ZZEF1: variants seen among roughly 807,000 people sequenced by gnomAD.
ZZEF1 encodes the protein zinc finger ZZ-type and EF-hand domain containing 1.
ZZEF1 carries 157 observed loss-of-function variants against 342.8 expected under a neutral mutation model. The ratio of observed to expected loss-of-function variants is 0.46; its 90% confidence interval spans 0.40 to 0.52. ZZEF1 has a LOEUF of 0.52. ZZEF1 is among the 20% of genes least tolerant of loss of function. The probability of loss-of-function intolerance (pLI) is 0.00; values close to 1 mark genes in which losing one functional copy is unlikely to be tolerated. For missense variants in ZZEF1, 3,480 were observed against 3,725.6 expected, an observed-to-expected ratio of 0.93 and a Z score of 1.72; for synonymous variants, 1,505 against 1,429.1, an observed-to-expected ratio of 1.05 and a Z score of -1.20.
intron 38 of ZZEF1, 45 bp from the exon 39 acceptor site, chr17:4,042,613 T>G (rs752389114): frequency 3.8e-6 from 6 of 1,595,004 alleles, no homozygotes; most frequent in Middle Eastern, 1.7e-4. Flanking sequence ...CATCTCCACA[T>G]GTATGAAGAG....
At position 4,064,534 on chromosome 17, in the gene ZZEF1, CTCT is replaced by C; in HGVS notation, c.4542_4544del (p.Glu1515del). 6.2e-7 allele frequency: 1 copy of C among 1,614,174 alleles called. No homozygotes were observed. The highest frequency in any genetic ancestry group is 1.3e-5 in the African/African-American group (1 of 75,040). On this transcript the variant is annotated inframe_deletion, in exon 29 of 55. Coordinates refer to ENST00000381638, the MANE Select transcript of ZZEF1 (RefSeq NM_015113.4). ...GGGTGGGTGTGGAAGGTGACAAGGG[CTCT>C]TCAGCTGTGGCAGGGGACACGTCTG...
chr17:4,038,633 C>A (rs890827125), intron 39 of ZZEF1, among the ~76,000 whole-genome samples: 1 of 151,978 alleles, frequency 6.6e-6, no homozygotes, highest in African/African-American at 2.4e-5. Context: ...GGTGAAACCC[C>A]GGCTCTACTC....
rs769287748 is a variant in ZZEF1 at position 4,062,842 on chromosome 17, A to G, written c.4794T>C (p.Cys1598=). 6.2e-7 allele frequency: 1 copy of G among 1,613,668 alleles called. No individual in the cohort carries two copies. The highest frequency in any genetic ancestry group is 8.5e-7 in the Non-Finnish European group (1 of 1,179,846). The part of the protein sequence containing the change: ...ILEVLKITQH[C]AESLGQPHCF... ...AGTGGGGCTGCCCAAGGGATTCTGC[A>G]CAGTGCTGAGTTATCTTCAGGACTT... The change falls in exon 30 of 55, where the codon TGT becomes TGC. Residue 1598 remains cysteine, a synonymous_variant. Coordinates refer to ENST00000381638, the MANE Select transcript of ZZEF1 (RefSeq NM_015113.4).
At chr17:4,109,361 T>G (rs1284190061) in intron 6 of ZZEF1, among the ~76,000 whole-genome samples, 1 of 152,188 alleles carries the variant, frequency 6.6e-6, no homozygotes, top group Non-Finnish European at 1.5e-5. Flanking sequence ...ATAAGTGACC[T>G]CCTCACAAGA....
intron 39 of ZZEF1, among the ~76,000 whole-genome samples, chr17:4,036,995 G>C (rs1446988641): frequency 6.6e-6 from 1 of 152,062 alleles, no homozygotes; most frequent in African/African-American, 2.4e-5. Flanking sequence ...CTAGGGCTAG[G>C]GGAGGGAGAA....
In ZZEF1 at chr17:4,005,006, T is replaced by A. The variant is rs1267512726; in HGVS notation, c.*1884A>T. The A allele has an allele frequency of 2.6e-5, 4 of 152,290 alleles. No individual in the cohort carries two copies. In the South Asian group the frequency reaches 8.3e-4, roughly 32 times the overall value. 9.4% of individuals were successfully genotyped at this position (152,290 alleles called of 1,614,324 possible). On this transcript the variant is annotated 3_prime_UTR_variant, in exon 55 of 55. Transcript: ENST00000381638. ...TGGAGTACAGCGGCGGCCACTGCCA[T>A]AGGGGAGGTGACTCCGGCCCTACCG...
chr17:4,090,865 T>C (rs1256582387), intron 11 of ZZEF1, 35 bp from the exon 12 acceptor site: 1 of 1,551,908 alleles, frequency 6.4e-7, no homozygotes, highest in Non-Finnish European at 8.9e-7. Context: ...AACATTTTAT[T>C]TTGAAACTTC....
intron 9 of ZZEF1, among the ~76,000 whole-genome samples, chr17:4,101,158 G>T (rs1045419939): frequency 6.6e-6 from 1 of 152,174 alleles, no homozygotes; most frequent in Non-Finnish European, 1.5e-5. Flanking sequence ...AGCATCTACT[G>T]CTGAAGAGGA....
intron 3 of ZZEF1, among the ~76,000 whole-genome samples, chr17:4,115,875 T>C (rs1271158853): frequency 6.6e-6 from 1 of 152,246 alleles, no homozygotes; most frequent in African/African-American, 2.4e-5. Context: ...TATTAATCTT[T>C]TCTTTCATAG....
intron 29 of ZZEF1, among the ~76,000 whole-genome samples, chr17:4,064,063 A>T (rs1473724545): frequency 8.3e-5 from 12 of 144,824 alleles, no homozygotes; most frequent in African/African-American, 2.7e-4. Context: ...TTGTAGATGG[A>T]GGGGGGGGGG....
chr17:4,026,807 A>AAAG (rs2056416525), intron 42 of ZZEF1, among the ~76,000 whole-genome samples: 1 of 152,038 alleles, frequency 6.6e-6, no homozygotes, highest in Non-Finnish European at 1.5e-5. Context: ...GGTGTGAGCC[A>AAAG]CCACACCCAG....
intron 52 of ZZEF1, among the ~76,000 whole-genome samples, chr17:4,010,880 C>T (rs963683972): frequency 6.6e-6 from 1 of 151,788 alleles, no homozygotes; most frequent in African/African-American, 2.4e-5. Context: ...AGCAGTTGAC[C>T]CTATCAGCTT....
Position 4,081,431 on chromosome 17 carries a change from T to C in ZZEF1, c.2774A>G (p.Asn925Ser), listed in dbSNP as rs565392505. The change falls in exon 18 of 55, where the codon AAC becomes AGC. Residue 925 changes from asparagine (N) to serine (S), a missense_variant. By Grantham distance (46) the Asn-to-Ser change is conservative (BLOSUM62 1). Transcript: ENST00000381638. ...CATGACCGCCAGGACTTCACTGATG[T>C]TCATCTTGGCCAGGTCGTTCTTCTC... The part of the protein sequence containing the change: ...LPEKNDLAKM[N>S]ISEVLAVMDT... 5.6e-6 allele frequency: 9 copies of C among 1,614,012 alleles called. No homozygotes were observed. In the African/African-American group the frequency reaches 9.3e-5, roughly 17 times the overall value.
At chr17:4,054,308 T>G in intron 33 of ZZEF1, 113 bp from the exon 34 acceptor site, 1 of 1,193,592 alleles carries the variant, frequency 8.4e-7, no homozygotes, top group Non-Finnish European at 1.2e-6. Context: ...TTGTACTAAG[T>G]GCTAGGATTT....
intron 43 of ZZEF1, among the ~76,000 whole-genome samples, chr17:4,024,186 G>GTTTTTTTTTT (rs754985234): frequency 0.014 from 1,311 of 94,326 alleles, 202 homozygotes; most frequent in African/African-American, 0.022. Context: ...TATTGCCCAG[G>GTTTTTTTTTT]TTTTTTTTTT....
intron 4 of ZZEF1, 114 bp from the exon 5 acceptor site, chr17:4,112,922 C>T (rs1292855507): frequency 1.2e-6 from 1 of 848,950 alleles, no homozygotes; most frequent in South Asian, 2.2e-5. Flanking sequence ...ACTGGTTTTC[C>T]TAACAGCAAC....
At chr17:4,073,769 T>C (rs914318175) in intron 24 of ZZEF1, among the ~76,000 whole-genome samples, 8 of 152,114 alleles carry the variant, frequency 5.3e-5, no homozygotes, top group Non-Finnish European at 1.2e-4. Context: ...ACAAAATCCA[T>C]AGTCACATAT....
intron 6 of ZZEF1, among the ~76,000 whole-genome samples, chr17:4,109,346 A>G (rs1055966097): frequency 1.3e-5 from 2 of 152,252 alleles, no homozygotes; most frequent in African/African-American, 4.8e-5. Flanking sequence ...AGGAACAGGC[A>G]CAGCATAAGT....
At chr17:4,019,527 C>T (rs575710615) in intron 46 of ZZEF1, 142 bp downstream of exon 46, 30 of 671,452 alleles carry the variant, frequency 4.5e-5, no homozygotes, top group South Asian at 7.2e-5. Flanking sequence ...CCTCCCACCT[C>T]GCCTTACAAA....
Sources: gnomAD v4.1 joint callset for allele counts (sites outside exome capture counted in the v4.1 genomes callset) on GRCh38, gnomAD v4.1.1 for gene constraint, MANE v1.5 for transcripts, NCBI Gene and HGNC (gene_info 2026-07-23, HGNC 2026-07-21) for gene names.